The following TGS1 variants were observed in gnomAD, a reference collection of about 807,000 sequenced individuals.
The protein encoded by TGS1 is trimethylguanosine synthase.
In TGS1, 69 loss-of-function variants were observed where a neutral mutation model predicts 92.2. The ratio of observed to expected loss-of-function variants is 0.75; its 90% CI spans 0.62 to 0.91. The LOEUF is 0.91. Ranked by LOEUF, TGS1 falls within the 40% of genes least tolerant of loss-of-function variation. The pLI, the probability that TGS1 is intolerant of heterozygous loss-of-function variation, is 0.00. For missense variants in TGS1, 1,062 were observed against 1,001.2 expected (o/e 1.06, Z -0.82); for synonymous variants, 345 against 338.1 (o/e 1.02, Z -0.22).
intron 12 of TGS1, among the ~76,000 whole-genome samples, 186 bp from the exon 13 acceptor site, chr8:55,824,395 A>C (rs1209760081): frequency 1.3e-5 from 2 of 152,256 alleles, no homozygotes; most frequent in African/African-American, 2.4e-5. Flanking sequence ...ATCTGAAACA[A>C]CAAGTATTCC....
At chr8:55,818,879 A>G (rs2130253219) in intron 12 of TGS1, among the ~76,000 whole-genome samples, 1 of 152,298 alleles carries the variant, frequency 6.6e-6, no homozygotes, top group African/African-American at 2.4e-5. Flanking sequence ...TCATGTTTCC[A>G]GTATCTGGTT....
rs1324367254 is a variant in TGS1, at chr8:55,786,859, A to G, written c.961A>G (p.Ile321Val). The G allele has an allele frequency of 6.2e-7, 1 of 1,614,178 alleles. No individual in the cohort carries two copies. Residue 321 changes from isoleucine to valine, a missense_variant, in exon 4 of 13, where the codon ATT becomes GTT. Physicochemically the swap from Ile to Val is conservative, Grantham distance 29. Coordinates refer to ENST00000260129, the MANE Select transcript of TGS1 (RefSeq NM_024831.8). ...GGATCATAGTGAAATACTTGATGGAATTAGTAACATAAAACTGAATTCAGA... is the reference window on the plus strand; with the variant it reads ...GGATCATAGTGAAATACTTGATGGAGTTAGTAACATAAAACTGAATTCAGA... ...DKDHSEILDG[I>V]SNIKLNSEEV...
rs544449829 is a variant in TGS1, at chr8:55,814,322, A to C, written c.2439+1204A>C. ...TCTCTGTTTTCTAGGATGAGGCCCGAAAGTTAATTTTTAAACTGCCCAAAG... is the reference window on the plus strand; with the variant it reads ...TCTCTGTTTTCTAGGATGAGGCCCGCAAGTTAATTTTTAAACTGCCCAAAG... On this transcript the variant is annotated intron_variant, in intron 12 of 12. Transcript: ENST00000260129. Among the ~76,000 whole-genome samples the C allele has an allele frequency of 2.0e-5, 3 of 152,258 alleles. No homozygotes were observed. The East Asian group carries it at 5.8e-4, about 29-fold the overall frequency.
intron 11 of TGS1, among the ~76,000 whole-genome samples, chr8:55,812,017 G>C (rs1248517348): frequency 1.3e-5 from 2 of 152,180 alleles, no homozygotes; most frequent in African/African-American, 4.8e-5. Context: ...TATCCCTGGA[G>C]TTTGTCGGTA....
At chr8:55,782,168 T>G (rs1358887932) in intron 1 of TGS1, among the ~76,000 whole-genome samples, 2 of 146,532 alleles carry the variant, frequency 1.4e-5, no homozygotes, top group South Asian at 2.1e-4. Flanking sequence ...ATTTATTTAT[T>G]TATTTATTTA....
intron 7 of TGS1, among the ~76,000 whole-genome samples, chr8:55,796,719 G>A (rs1352100804): frequency 1.3e-5 from 2 of 151,958 alleles, no homozygotes; most frequent in African/African-American, 4.8e-5. Flanking sequence ...GGCCGGGCAT[G>A]GTGGCTTACA....
chr8:55,792,874 A>T, intron 6 of TGS1, 90 bp downstream of exon 6: 2 of 819,382 alleles, frequency 2.4e-6, no homozygotes, highest in Non-Finnish European at 4.1e-6. Flanking sequence ...CTAATAAATG[A>T]TCATGTGTTG....
In TGS1 at chr8:55,792,795, A is replaced by G; in HGVS notation, c.1367+11A>G. ...TGGCTCAGGACAAAAGTAATTATTC[A>G]TAAAAGCTATTGTTTTCCAGAAGTC... is the stretch of plus-strand genomic sequence containing the variant. On this transcript the variant is annotated intron_variant, in intron 6 of 12. Transcript: ENST00000260129. 1 of 1,591,334 alleles carries G rather than the reference A, an allele frequency of 6.3e-7. No homozygotes were observed. Among genetic ancestry groups the G allele is most frequent in the Non-Finnish European group, 8.6e-7 (1 of 1,159,470 alleles).
intron 10 of TGS1, among the ~76,000 whole-genome samples, chr8:55,806,380 C>CA (rs1812373667): frequency 1.7e-5 from 2 of 119,566 alleles, no homozygotes; most frequent in Non-Finnish European, 1.8e-5. Context: ...AAAAAAAAGA[C>CA]AAAAGAAAAA....
At chr8:55,793,758 A>T (rs1332966594) in intron 6 of TGS1, among the ~76,000 whole-genome samples, 6 of 149,112 alleles carry the variant, frequency 4.0e-5, no homozygotes, top group African/African-American at 1.5e-4. Context: ...TTATTTATTT[A>T]TTTATTTATT....
rs61754800 is a variant in TGS1 at position 55,786,692 on chromosome 8, C to T, written c.794C>T (p.Ser265Leu). 4,652 of 1,614,044 alleles carry T rather than the reference C, an allele frequency of 2.9e-3. 11 individuals are homozygous for T. Among genetic ancestry groups the T allele is most frequent in the Non-Finnish European group, 3.6e-3 (4,288 of 1,180,002 alleles). ...WEAQGWTFDASQSCDTDTYTS... is the reference protein window; with the variant it reads ...WEAQGWTFDALQSCDTDTYTS... ...GCTCAGGGTTGGACTTTTGATGCCTCGCAAAGCTGTGATACAGATACTTAC... is the reference window on the plus strand; with the variant it reads ...GCTCAGGGTTGGACTTTTGATGCCTTGCAAAGCTGTGATACAGATACTTAC... Residue 265 changes from serine (S) to leucine (L), a missense_variant, in exon 4 of 13, where the codon TCG (serine) becomes TTG (leucine). Coordinates refer to ENST00000260129, the MANE Select transcript of TGS1 (RefSeq NM_024831.8).
intron 8 of TGS1, 44 bp downstream of exon 8, chr8:55,799,264 A>T (rs777513326): frequency 2.6e-5 from 39 of 1,523,308 alleles, no homozygotes; most frequent in Non-Finnish European, 3.3e-5. Context: ...TTTAGATAAA[A>T]TTTTTTTTGT....
chr8:55,822,151 G>C (rs1803660891), intron 12 of TGS1, among the ~76,000 whole-genome samples: 1 of 150,862 alleles, frequency 6.6e-6, no homozygotes, highest in Non-Finnish European at 1.5e-5. Flanking sequence ...CTCACTGCAA[G>C]CTCCGCCTCC....
chr8:55,780,157 T>C (rs1411453915), intron 1 of TGS1, among the ~76,000 whole-genome samples: 1 of 140,944 alleles, frequency 7.1e-6, no homozygotes, highest in Non-Finnish European at 1.5e-5. Flanking sequence ...ATGTCTGGCA[T>C]GGCTTTTTTT....
In TGS1 at chr8:55,804,899, GGTTTTCA is replaced by G. The variant is rs755011065; in HGVS notation, c.2010_2016del (p.Phe670LeufsTer23). 6.2e-7 allele frequency: 1 copy of G among 1,613,466 alleles called. No homozygotes were observed. The highest frequency in any genetic ancestry group is 8.5e-7 in the Non-Finnish European group (1 of 1,179,568). On this transcript the variant is annotated frameshift_variant, in exon 10 of 13. Coordinates refer to ENST00000260129, the MANE Select transcript of TGS1 (RefSeq NM_024831.8). LOFTEE classifies it high-confidence loss of function. ...AAATACTCTTCCTTTGCAGAGGGCT[GGTTTTCA>G]GTTACACCCGAGAAGATTGCTGAAC...
intron 11 of TGS1, among the ~76,000 whole-genome samples, chr8:55,812,599 ATC>A (rs1428003458): frequency 2.6e-5 from 4 of 151,536 alleles, no homozygotes; most frequent in African/African-American, 9.7e-5. Context: ...AGGCATGAGG[ATC>A]TCTTGAACCC....
intron 1 of TGS1, among the ~76,000 whole-genome samples, chr8:55,777,579 G>A (rs915213687): frequency 2.4e-4 from 36 of 149,798 alleles, no homozygotes; most frequent in Admixed American, 1.7e-3. Flanking sequence ...TCACTCTGTC[G>A]CCCAGGCTGG....
intron 7 of TGS1, among the ~76,000 whole-genome samples, chr8:55,798,522 G>T (rs1052846689): frequency 7.9e-5 from 12 of 152,118 alleles, no homozygotes; most frequent in Non-Finnish European, 1.8e-4. Flanking sequence ...TTGCAGAAAG[G>T]TCTATATAAT....
intron 1 of TGS1, among the ~76,000 whole-genome samples, chr8:55,779,828 A>G (rs1290900616): frequency 6.6e-6 from 1 of 151,862 alleles, no homozygotes; most frequent in Non-Finnish European, 1.5e-5. Flanking sequence ...GAACTGAAAC[A>G]TGTATGCTTT....
Sources: allele counts gnomAD v4.1 joint callset (sites outside exome capture counted in the v4.1 genomes callset), GRCh38; gene constraint gnomAD v4.1.1; transcripts MANE v1.5; gene names NCBI Gene and HGNC (gene_info 2026-07-23, HGNC 2026-07-21).